The following ZRANB3 variants were observed in gnomAD, a reference collection of about 807,000 sequenced individuals.
ZRANB3 encodes zinc finger RANBP2-type containing 3.
ZRANB3 carries 125 observed loss-of-function variants against 133.8 expected under a neutral mutation model. The ratio of observed to expected loss-of-function variants is 0.93; its 90% CI spans 0.81 to 1.08. The LOEUF (loss-of-function observed/expected upper bound fraction) is 1.08, where lower values mean the gene tolerates loss of function less well. Ranked by LOEUF, ZRANB3 falls within the 50% of genes least tolerant of loss-of-function variation. The probability of loss-of-function intolerance (pLI) is 0.00; values close to 1 mark genes in which losing one functional copy is unlikely to be tolerated. For synonymous variants in ZRANB3, 387 were observed against 432.7 expected, an observed-to-expected ratio of 0.89 and a Z score of 1.31; for missense variants, 1,229 against 1,275.5, an observed-to-expected ratio of 0.96 and a Z score of 0.56.
intron 20 of ZRANB3, among the ~76,000 whole-genome samples, chr2:135,200,945 G>C (rs774096582): frequency 9.2e-5 from 14 of 151,926 alleles, no homozygotes; most frequent in Non-Finnish European, 1.8e-4. Flanking sequence ...TAGTGGAGAC[G>C]GGGTTTTGCC....
intron 6 of ZRANB3, among the ~76,000 whole-genome samples, chr2:135,343,900 C>A (rs1431041560): frequency 6.7e-6 from 1 of 150,278 alleles, no homozygotes; most frequent in Admixed American, 6.6e-5. Flanking sequence ...GAAAAAGAAA[C>A]AATCTGACAC....
intron 8 of ZRANB3, among the ~76,000 whole-genome samples, chr2:135,310,728 A>G (rs1285179325): frequency 2.6e-5 from 4 of 151,970 alleles, no homozygotes; most frequent in Admixed American, 2.0e-4. Flanking sequence ...CTGAATACCA[A>G]TTATTTCTCC....
At chr2:135,462,603 T>C (rs1388671042) in intron 2 of ZRANB3, among the ~76,000 whole-genome samples, 2 of 151,802 alleles carry the variant, frequency 1.3e-5, no homozygotes, top group Admixed American at 1.3e-4. Context: ...CTTTTTCTTT[T>C]TCTTTTTTTT....
chr2:135,484,656 C>A (rs984641383), intron 2 of ZRANB3, among the ~76,000 whole-genome samples: 20 of 150,460 alleles, frequency 1.3e-4, no homozygotes, highest in Non-Finnish European at 3.0e-4. Flanking sequence ...AGATAGGTTA[C>A]CAAAAGTATT....
intron 3 of ZRANB3, among the ~76,000 whole-genome samples, chr2:135,366,183 A>G (rs762265302): frequency 7.1e-4 from 108 of 152,236 alleles, no homozygotes; most frequent in Admixed American, 1.2e-3. Flanking sequence ...CAACTAGGTA[A>G]TTTTTGGAAA....
chr2:135,329,356 A>G (rs1161171959), intron 6 of ZRANB3, among the ~76,000 whole-genome samples: 1 of 152,164 alleles, frequency 6.6e-6, no homozygotes, highest in Admixed American at 6.5e-5. Context: ...TTTGTCAAAG[A>G]TCAGATGGTT....
intron 20 of ZRANB3, among the ~76,000 whole-genome samples, chr2:135,200,753 GTTT>G (rs373759295): frequency 7.9e-6 from 1 of 126,424 alleles, no homozygotes; most frequent in African/African-American, 2.9e-5. Flanking sequence ...CAAGTGGGAG[GTTT>G]TTTTTTTTTT....
intron 3 of ZRANB3, among the ~76,000 whole-genome samples, chr2:135,359,106 T>G (rs922984239): frequency 5.3e-5 from 8 of 152,020 alleles, no homozygotes; most frequent in African/African-American, 1.9e-4. Flanking sequence ...AGCCTCGACA[T>G]CCAAATGAAA....
intron 2 of ZRANB3, among the ~76,000 whole-genome samples, chr2:135,477,395 T>C (rs1305537001): frequency 6.6e-6 from 1 of 152,218 alleles, no homozygotes; most frequent in Non-Finnish European, 1.5e-5. Flanking sequence ...CAGCTTCTAA[T>C]GGAGTTTGAT....
chr2:135,227,079 C>G (rs1343995717), intron 14 of ZRANB3, among the ~76,000 whole-genome samples: 1 of 152,204 alleles, frequency 6.6e-6, no homozygotes, highest in Non-Finnish European at 1.5e-5. Context: ...AAAGCTTCAA[C>G]AGTCTCATCC....
At chr2:135,451,679 A>G (rs1426700474) in intron 2 of ZRANB3, among the ~76,000 whole-genome samples, 3 of 152,194 alleles carry the variant, frequency 2.0e-5, no homozygotes, top group Non-Finnish European at 4.4e-5. Flanking sequence ...CACAAACTCC[A>G]GGAAACTGAC....
At chr2:135,366,336 T>C (rs1047682787) in intron 3 of ZRANB3, among the ~76,000 whole-genome samples, 5 of 152,056 alleles carry the variant, frequency 3.3e-5, no homozygotes, top group Non-Finnish European at 5.9e-5. Flanking sequence ...ACAAATTAAC[T>C]TACCTAATGG....
intron 2 of ZRANB3, among the ~76,000 whole-genome samples, chr2:135,455,581 A>AT (rs1227669411): frequency 8.2e-6 from 1 of 122,404 alleles, no homozygotes; most frequent in Non-Finnish European, 1.8e-5. Context: ...CCAACTATTG[A>AT]TTTTTTTCTT....
At chr2:135,468,431 T>A (rs1301051376) in intron 2 of ZRANB3, among the ~76,000 whole-genome samples, 1 of 152,204 alleles carries the variant, frequency 6.6e-6, no homozygotes. Context: ...CATGCCATCT[T>A]CAACCAGTAT....
At chr2:135,515,534 G>A (rs530543100) in intron 1 of ZRANB3, among the ~76,000 whole-genome samples, 2 of 152,094 alleles carry the variant, frequency 1.3e-5, no homozygotes, top group African/African-American at 2.4e-5. Context: ...CCTTCATTTC[G>A]TTATTTACCC....
At position 135,270,514 on chromosome 2, in the gene ZRANB3, G is replaced by T. The variant is rs1056406877; in HGVS notation, c.1206+1254C>A. Among the ~76,000 whole-genome samples the T allele has an allele frequency of 2.4e-4, 37 of 152,226 alleles. No homozygotes were observed. In the East Asian group the frequency reaches 3.5e-3, roughly 14 times the overall value. ...ATTTCAAAAGGTCCTAGACTCTCCT[G>T]TCTGGCTTTCTCCTACTTAGCACCT... On this transcript the variant is annotated intron_variant, in intron 10 of 20. Coordinates refer to ENST00000264159, the MANE Select transcript of ZRANB3 (RefSeq NM_032143.4).
At position 135,219,120 on chromosome 2, in the gene ZRANB3, T is replaced by C. The variant is rs1391008184; in HGVS notation, c.2309A>G (p.Glu770Gly). 2 of 1,536,716 alleles carry C rather than the reference T, an allele frequency of 1.3e-6. No individual in the cohort carries two copies. The highest frequency in any genetic ancestry group is 2.3e-5 in the Admixed American group (1 of 43,304). Reference protein sequence around the residue: ...IPLDIKLDLWEDLPASFQLKQ... With the variant: ...IPLDIKLDLWGDLPASFQLKQ... ...CAGCTGAAAGCTTGCTGGTAAATCTTCCCAAAGGTCTAATTTTATATCCAG... is the reference window on the plus strand; with the variant it reads ...CAGCTGAAAGCTTGCTGGTAAATCTCCCCAAAGGTCTAATTTTATATCCAG... Residue 770 changes from glutamate to glycine, a missense_variant, in exon 16 of 21, where the codon GAA becomes GGA. By Grantham distance (98) the Glu-to-Gly change is moderately conservative. Transcript: ENST00000264159.
At chr2:135,420,461 T>C (rs1688793374) in intron 2 of ZRANB3, among the ~76,000 whole-genome samples, 1 of 152,076 alleles carries the variant, frequency 6.6e-6, no homozygotes, top group African/African-American at 2.4e-5. Context: ...TAGGGGAGTT[T>C]ATTAAATTAA....
At chr2:135,416,896 G>A (rs1688602143) in intron 2 of ZRANB3, among the ~76,000 whole-genome samples, 3 of 152,216 alleles carry the variant, frequency 2.0e-5, no homozygotes, top group South Asian at 4.1e-4. Context: ...TGGGAAAACT[G>A]GCTAGCCATA....
Sources: gnomAD v4.1 joint callset for allele counts (sites outside exome capture counted in the v4.1 genomes callset) on GRCh38, gnomAD v4.1.1 for gene constraint, MANE v1.5 for transcripts, NCBI Gene and HGNC (gene_info 2026-07-23, HGNC 2026-07-21) for gene names.